WDR64: variants seen among roughly 807,000 people sequenced by gnomAD.
WDR64 encodes WD repeat domain 64.
In WDR64, 112 loss-of-function variants were observed where a neutral mutation model predicts 139.3. That is an observed-to-expected ratio of 0.80 (90% CI 0.69 to 0.94). The LOEUF is 0.94. WDR64 is among the 40% of genes least tolerant of loss of function. WDR64 has a pLI of 0.00. For synonymous variants in WDR64, 444 were observed against 437.7 expected, an observed-to-expected ratio of 1.01 and a Z score of -0.18; for missense variants, 1,206 against 1,293.1, an observed-to-expected ratio of 0.93 and a Z score of 1.03.
intron 8 of WDR64, among the ~76,000 whole-genome samples, chr1:241,696,747 G>A (rs373214008): frequency 1.3e-5 from 2 of 152,248 alleles, no homozygotes; most frequent in East Asian, 3.9e-4. Context: ...CACTCTCATG[G>A]CCATCTTGGG....
intron 24 of WDR64, among the ~76,000 whole-genome samples, chr1:241,790,219 C>T (rs368119941): frequency 6.6e-6 from 1 of 152,230 alleles, no homozygotes; most frequent in African/African-American, 2.4e-5. Context: ...GGCGTGGTGA[C>T]GTGCACCTGT....
At chr1:241,682,338 A>G (rs1442202224) in intron 6 of WDR64, among the ~76,000 whole-genome samples, 2 of 152,182 alleles carry the variant, frequency 1.3e-5, no homozygotes, top group East Asian at 1.9e-4. Context: ...TCATTCTCCT[A>G]CATGTGGCTA....
Position 241,703,428 on chromosome 1 carries a change from C to G in WDR64, c.975-8374C>G, listed in dbSNP as rs1259416444. On this transcript the variant is annotated intron_variant, in intron 8 of 27. Transcript: ENST00000437684. This position sits in a 1 kb window ranked among gnomAD's most constrained non-coding sequence, Gnocchi z 5.9. ...GAGATGAAGCATGTGGTAATTCAGC[C>G]AGGGACTTTTGATAGGGGACTCTAT... 6.6e-6 allele frequency among the ~76,000 whole-genome samples: 1 copy of G among 151,556 alleles called. No individual in the cohort carries two copies. The highest frequency in any genetic ancestry group is 2.4e-5 in the African/African-American group (1 of 41,240).
intron 7 of WDR64, among the ~76,000 whole-genome samples, chr1:241,687,056 G>A (rs1667031696): frequency 1.3e-5 from 2 of 152,132 alleles, no homozygotes; most frequent in South Asian, 4.1e-4. Flanking sequence ...TGTAACCCCA[G>A]TACTTTGGGA....
At chr1:241,702,279 A>G (rs1667745811) in intron 8 of WDR64, among the ~76,000 whole-genome samples, 1 of 150,954 alleles carries the variant, frequency 6.6e-6, no homozygotes, top group Admixed American at 6.6e-5. Context: ...TGCTGTGGAG[A>G]CAGAACTGGT....
intron 8 of WDR64, among the ~76,000 whole-genome samples, chr1:241,698,688 C>T (rs1022529470): frequency 1.3e-5 from 2 of 152,142 alleles, no homozygotes; most frequent in African/African-American, 2.4e-5. Context: ...CCCATTCTTC[C>T]TCTTCTTTCT....
intron 23 of WDR64, among the ~76,000 whole-genome samples, chr1:241,784,726 CGGGTG>C (rs1558524184): frequency 1.3e-5 from 2 of 151,722 alleles, no homozygotes. Context: ...GAGGCCGAGG[CGGGTG>C]GATCACGAGG....
At chr1:241,674,422 A>G (rs1666382745) in intron 3 of WDR64, among the ~76,000 whole-genome samples, 1 of 151,520 alleles carries the variant, frequency 6.6e-6, no homozygotes, top group African/African-American at 2.4e-5. Context: ...ACATTCAGCT[A>G]ATTTTGTGTT....
chr1:241,681,123 A>T lies in WDR64; in HGVS notation c.624+1528A>T, dbSNP rs1010215480. On this transcript the variant is annotated intron_variant, in intron 6 of 27. Transcript: ENST00000437684. The stretch of plus-strand genomic sequence containing the variant: ...CTCTCTCTCTTTAAAAATTGTTTAA[A>T]TTTTTTTATTTCCATAGGTTTGGGG... Among the ~76,000 whole-genome samples the T allele has an allele frequency of 2.6e-5, 4 of 151,836 alleles. No homozygotes were observed. In the East Asian group the frequency reaches 5.8e-4, roughly 22 times the overall value.
In WDR64 at chr1:241,652,293, G is replaced by T; in HGVS notation, c.-192G>T. ...TATGAAATGCATCAGACCTAAATCA[G>T]CTTTCCTCCCTGCTAACATCCTAGT... On this transcript the variant is annotated 5_prime_UTR_variant, in exon 1 of 28. Coordinates refer to ENST00000437684, the MANE Select transcript of WDR64 (RefSeq NM_001367482.1). 1 of 571,192 alleles carries T rather than the reference G, an allele frequency of 1.8e-6. No homozygotes were observed. The highest frequency in any genetic ancestry group is 3.1e-6 in the Non-Finnish European group (1 of 326,878). 35.4% of individuals were successfully genotyped at this position (571,192 alleles called of 1,614,324 possible).
intron 21 of WDR64, among the ~76,000 whole-genome samples, chr1:241,778,711 T>C (rs2148312570): frequency 6.6e-6 from 1 of 152,256 alleles, no homozygotes; most frequent in African/African-American, 2.4e-5. Flanking sequence ...GCCCTAGAGT[T>C]AATAATATAT....
chr1:241,732,721 G>A (rs566989811), intron 10 of WDR64, among the ~76,000 whole-genome samples: 22 of 152,116 alleles, frequency 1.4e-4, no homozygotes, highest in African/African-American at 5.1e-4. Context: ...TTGGGAGGCT[G>A]AGGCAGGAGA....
intron 15 of WDR64, 129 bp downstream of exon 15, chr1:241,757,588 G>T: frequency 1.1e-5 from 7 of 665,828 alleles, no homozygotes; most frequent in East Asian, 3.9e-5. Context: ...AGAACTTTCT[G>T]TATATGACCA....
chr1:241,775,738 T>G (rs1658634432), intron 21 of WDR64, among the ~76,000 whole-genome samples: 1 of 152,172 alleles, frequency 6.6e-6, no homozygotes, highest in Non-Finnish European at 1.5e-5. Context: ...CTTTCCTTTC[T>G]CCTATACTTT....
chr1:241,702,314 T>G (rs1667747954), intron 8 of WDR64, among the ~76,000 whole-genome samples: 1 of 152,212 alleles, frequency 6.6e-6, no homozygotes, highest in African/African-American at 2.4e-5. Flanking sequence ...TCACTAACCC[T>G]GTGACCATTG....
intron 13 of WDR64, among the ~76,000 whole-genome samples, chr1:241,748,040 C>T (rs1669830364): frequency 6.6e-6 from 1 of 152,192 alleles, no homozygotes; most frequent in South Asian, 2.1e-4. Flanking sequence ...GCTGGCCTCC[C>T]TCATGGTGCA....
chr1:241,714,486 A>G (rs971893102), intron 9 of WDR64, among the ~76,000 whole-genome samples: 1 of 152,170 alleles, frequency 6.6e-6, no homozygotes, highest in African/African-American at 2.4e-5. Flanking sequence ...TTGGTTTCCT[A>G]TCTAAAGTGT....
chr1:241,767,352 G>A (rs1428081229), intron 16 of WDR64, among the ~76,000 whole-genome samples: 1 of 98,330 alleles, frequency 1.0e-5, no homozygotes, highest in Admixed American at 9.4e-5. Context: ...TTTTTTTTTT[G>A]CATTTGTTGA....
intron 7 of WDR64, among the ~76,000 whole-genome samples, chr1:241,685,034 G>C (rs1244515512): frequency 6.6e-6 from 1 of 151,904 alleles, no homozygotes. Context: ...TGGTATTATA[G>C]GCTTGAGCCA....
Sources: gnomAD v4.1 joint callset for allele counts (sites outside exome capture counted in the v4.1 genomes callset) on GRCh38, gnomAD v4.1.1 for gene constraint, Gnocchi (gnomAD v3.1) non-coding constraint, MANE v1.5 for transcripts, NCBI Gene and HGNC (gene_info 2026-07-23, HGNC 2026-07-21) for gene names.